The following ZZEF1 variants were observed in gnomAD, a reference collection of about 807,000 sequenced individuals.
ZZEF1 encodes zinc finger ZZ-type and EF-hand domain-containing protein 1.
A neutral mutation model predicts 342.8 loss-of-function variants in ZZEF1; 157 were observed. The observed-to-expected ratio is 0.46, with a 90% CI of 0.40 to 0.52. The LOEUF is 0.52. ZZEF1 is among the 20% of genes least tolerant of loss of function. ZZEF1 has a pLI of 0.00. For synonymous variants in ZZEF1, 1,505 were observed against 1,429.1 expected (o/e 1.05, Z -1.20); for missense variants, 3,480 against 3,725.6 (o/e 0.93, Z 1.72).
At position 4,032,856 on chromosome 17, in the gene ZZEF1, G is replaced by T; in HGVS notation, c.6731C>A (p.Thr2244Asn). The change falls in exon 41 of 55, where the codon ACC (threonine) becomes AAC (asparagine). Residue 2244 changes from threonine (T) to asparagine (N), a missense_variant. Thr to Asn is a moderately conservative substitution (Grantham distance 65). Coordinates refer to ENST00000381638, the MANE Select transcript of ZZEF1 (RefSeq NM_015113.4). ...PFQLKHTNIFTLLVLVGFPQV... is the reference protein window; with the variant it reads ...PFQLKHTNIFNLLVLVGFPQV... ...GGGGAAGCCAACCAGCACGAGCAGG[G>T]TGAAGATGTTGGTGTGCTTCAGCTG... is the stretch of plus-strand genomic sequence containing the variant. The T allele has an allele frequency of 1.9e-6, 3 of 1,614,240 alleles. No homozygotes were observed. The highest frequency in any genetic ancestry group is 1.7e-5 in the Admixed American group (1 of 60,038).
intron 42 of ZZEF1, among the ~76,000 whole-genome samples, chr17:4,031,791 T>C (rs964117684): frequency 6.6e-6 from 1 of 152,174 alleles, no homozygotes; most frequent in Non-Finnish European, 1.5e-5. Context: ...CCTGACTCCA[T>C]GTAGTCACCT....
At chr17:4,039,891 G>C (rs928881273) in intron 39 of ZZEF1, among the ~76,000 whole-genome samples, 1 of 151,886 alleles carries the variant, frequency 6.6e-6, no homozygotes, top group African/African-American at 2.4e-5. Flanking sequence ...TGATCTGCCC[G>C]CCTTGGCCTC....
intron 23 of ZZEF1, 94 bp downstream of exon 23, chr17:4,075,003 C>T: frequency 1.6e-6 from 2 of 1,265,824 alleles, no homozygotes; most frequent in Non-Finnish European, 2.3e-6. Flanking sequence ...AAATGCCTCC[C>T]TTCAAAGACC....
At position 4,049,708 on chromosome 17, in the gene ZZEF1, A is replaced by T. The variant is rs747854321; in HGVS notation, c.6015T>A (p.Asn2005Lys). The stretch of plus-strand genomic sequence containing the variant: ...TGTGTAGTAAAGAATCGTCATTTAC[A>T]TTGCCTGCTTCTGACAGCTCAGCAC... ...VQGAELSEAGNGKRAVHEEIR... is the reference protein window; with the variant it reads ...VQGAELSEAGKGKRAVHEEIR... The change falls in exon 37 of 55, where the codon AAT (asparagine) becomes AAA (lysine). Residue 2005 changes from asparagine to lysine, a missense_variant and splice_region_variant. This residue lies in a region of ZZEF1 where 1,269 missense variants were observed against 1,342.4 expected (regional missense o/e 0.95). Coordinates refer to ENST00000381638, the MANE Select transcript of ZZEF1 (RefSeq NM_015113.4). The T allele has an allele frequency of 6.2e-7, 1 of 1,613,784 alleles. No homozygotes were observed. The highest frequency in any genetic ancestry group is 1.3e-5 in the African/African-American group (1 of 74,858).
intron 52 of ZZEF1, among the ~76,000 whole-genome samples, chr17:4,011,552 T>TG (rs1320752685): frequency 2.6e-5 from 4 of 152,034 alleles, no homozygotes; most frequent in South Asian, 2.1e-4. Context: ...GGGTTTTTTT[T>TG]TTGTGTGTGT....
intron 52 of ZZEF1, among the ~76,000 whole-genome samples, chr17:4,012,314 C>G (rs1012471604): frequency 2.6e-5 from 4 of 152,214 alleles, no homozygotes; most frequent in African/African-American, 9.7e-5. Context: ...CCCTCTCTCT[C>G]CACGCTGCTT....
At chr17:4,130,185 G>A (rs7212774) in intron 1 of ZZEF1, among the ~76,000 whole-genome samples, 22,573 of 152,192 alleles carry the variant, frequency 0.15, 1,812 homozygotes, top group African/African-American at 0.2. Context: ...TGGGCACGGT[G>A]GCTCATGCCT....
At chr17:4,087,783 A>AACACAC (rs10522603) in intron 13 of ZZEF1, among the ~76,000 whole-genome samples, 13,449 of 145,742 alleles carry the variant, frequency 0.092, 702 homozygotes, top group Middle Eastern at 0.14. Flanking sequence ...ATATACACAC[A>AACACAC]ACACACACAC....
At chr17:4,132,569 G>A (rs1420038812) in intron 1 of ZZEF1, among the ~76,000 whole-genome samples, 1 of 151,384 alleles carries the variant, frequency 6.6e-6, no homozygotes, top group Non-Finnish European at 1.5e-5. Flanking sequence ...TTGGTGGCAG[G>A]CGCCTGTAAT....
chr17:4,092,087 A>AAAT (rs1555604395), intron 11 of ZZEF1, among the ~76,000 whole-genome samples: 8 of 82,090 alleles, frequency 9.7e-5, no homozygotes, highest in Admixed American at 3.2e-4. Context: ...AAAAAAAAAA[A>AAAT]AAATAATAAA....
chr17:4,011,313 G>A (rs1234218224), intron 52 of ZZEF1, among the ~76,000 whole-genome samples: 1 of 152,062 alleles, frequency 6.6e-6, no homozygotes, highest in Non-Finnish European at 1.5e-5. Flanking sequence ...TGAGGGGAGG[G>A]GGGTCACTTC....
chr17:4,059,110 T>C, intron 31 of ZZEF1, 61 bp downstream of exon 31: 4 of 1,407,404 alleles, frequency 2.8e-6, no homozygotes, highest in Non-Finnish European at 3.8e-6. Context: ...AACATATATT[T>C]CTTTTATAAT....
chr17:4,027,325 G>T (rs1190498553), intron 42 of ZZEF1, among the ~76,000 whole-genome samples: 1 of 109,012 alleles, frequency 9.2e-6, no homozygotes, highest in Non-Finnish European at 1.7e-5. Context: ...GAGAAGTCTC[G>T]CTCTTGTTCC....
At chr17:4,067,654 G>C (rs2057426732) in intron 26 of ZZEF1, among the ~76,000 whole-genome samples, 1 of 152,164 alleles carries the variant, frequency 6.6e-6, no homozygotes, top group Non-Finnish European at 1.5e-5. Context: ...TTTAAAGAGA[G>C]TTTATATATT....
At position 4,074,253 on chromosome 17, in the gene ZZEF1, C is replaced by A. The variant is rs200531565; in HGVS notation, c.3582G>T (p.Gly1194=). 5.6e-6 allele frequency: 9 copies of A among 1,614,026 alleles called. No homozygotes were observed. Among genetic ancestry groups the A allele is most frequent in the Non-Finnish European group, 7.6e-6 (9 of 1,180,034 alleles). The change falls in exon 24 of 55, where the codon GGG becomes GGT. Residue 1194 remains glycine, a synonymous_variant. Coordinates refer to ENST00000381638, the MANE Select transcript of ZZEF1 (RefSeq NM_015113.4). ...WGYKFTVTAC[G]LPDVAVSWGL... ...CCCAAGACACGGCAACATCGGGCAG[C>A]CCACAGGCAGTGACAGTGAATTTGT... is the stretch of plus-strand genomic sequence containing the variant.
intron 35 of ZZEF1, among the ~76,000 whole-genome samples, chr17:4,051,285 T>C (rs2057040687): frequency 6.6e-6 from 1 of 152,200 alleles, no homozygotes; most frequent in Non-Finnish European, 1.5e-5. Flanking sequence ...GAAATTGGAC[T>C]AAGGAAGAAT....
intron 52 of ZZEF1, among the ~76,000 whole-genome samples, chr17:4,010,740 A>AAAAAAG (rs1350188298): frequency 2.4e-4 from 36 of 149,350 alleles, no homozygotes; most frequent in African/African-American, 9.1e-4. Flanking sequence ...AAAAAAGAAA[A>AAAAAAG]AGAAAAAAGA....
chr17:4,034,577 C>G (rs940455972), intron 39 of ZZEF1, among the ~76,000 whole-genome samples: 3 of 152,146 alleles, frequency 2.0e-5, no homozygotes, highest in Non-Finnish European at 4.4e-5. Flanking sequence ...TTAAATAATT[C>G]AGAAACACGC....
At chr17:4,112,070 ATATATATATATATATATATATATGTTT>A (rs1335591079) in intron 5 of ZZEF1, among the ~76,000 whole-genome samples, 48 of 47,826 alleles carry the variant, frequency 1.0e-3, no homozygotes, top group African/African-American at 3.0e-3. Flanking sequence ...ATATATATAT[ATATATATATATATATATATATATGTTT>A]TGTTTTGTTT....
Sources: allele counts gnomAD v4.1 joint callset (sites outside exome capture counted in the v4.1 genomes callset), GRCh38; gene constraint gnomAD v4.1.1; regional missense constraint gnomAD v4.1.1; transcripts MANE v1.5; gene names NCBI Gene and HGNC (gene_info 2026-07-23, HGNC 2026-07-21).